The following GABRB1 variants were observed in gnomAD, a reference collection of about 807,000 sequenced individuals.
The protein encoded by GABRB1 is gamma-aminobutyric acid type A receptor subunit beta1, also known as gamma-aminobutyric acid receptor subunit beta-1.
A neutral mutation model predicts 51.6 loss-of-function variants in GABRB1; 17 were observed. The ratio of observed to expected loss-of-function variants is 0.33; its 90% CI spans 0.23 to 0.49. The LOEUF is 0.49. Among genes scored for constraint, GABRB1 ranks in the 20% least tolerant of loss-of-function variants. The pLI is 0.99. For synonymous variants in GABRB1, 247 were observed against 218.9 expected (o/e 1.13, Z -1.14); for missense variants, 410 against 600.6 (o/e 0.68, Z 3.32).
intron 3 of GABRB1, among the ~76,000 whole-genome samples, chr4:47,152,542 G>A (rs1455185469): frequency 1.3e-5 from 2 of 152,108 alleles, no homozygotes; most frequent in East Asian, 3.9e-4. Flanking sequence ...TCCATGGTGA[G>A]CTAATCCATT....
chr4:47,073,131 T>A (rs932968698), intron 3 of GABRB1, among the ~76,000 whole-genome samples: 1 of 152,168 alleles, frequency 6.6e-6, no homozygotes, highest in African/African-American at 2.4e-5. Context: ...TTCCACTGTC[T>A]AGGGTGCTTC....
At chr4:47,407,319 T>TG (rs2110055654) in intron 8 of GABRB1, among the ~76,000 whole-genome samples, 1 of 152,334 alleles carries the variant, frequency 6.6e-6, no homozygotes. Context: ...CATTCCCAGT[T>TG]TAGTCACCTA....
At chr4:47,283,368 T>C (rs1723369835) in intron 4 of GABRB1, among the ~76,000 whole-genome samples, 1 of 68,236 alleles carries the variant, frequency 1.5e-5, no homozygotes, top group Non-Finnish European at 2.8e-5. Flanking sequence ...TTTTTTTTTT[T>C]TTTTTTTTTT....
intron 5 of GABRB1, among the ~76,000 whole-genome samples, chr4:47,359,448 T>G (rs1336534301): frequency 6.6e-6 from 1 of 152,122 alleles, no homozygotes; most frequent in African/African-American, 2.4e-5. Context: ...TTAATCTAAA[T>G]GGCCCTTGAT....
At chr4:47,410,423 C>T (rs954494723) in intron 8 of GABRB1, among the ~76,000 whole-genome samples, 1 of 152,126 alleles carries the variant, frequency 6.6e-6, no homozygotes, top group East Asian at 1.9e-4. Flanking sequence ...AAGGAAGGAA[C>T]CACACTGTGT....
chr4:47,300,456 A>G (rs905995373), intron 4 of GABRB1, among the ~76,000 whole-genome samples: 19 of 152,094 alleles, frequency 1.2e-4, no homozygotes, highest in African/African-American at 4.6e-4. Flanking sequence ...ATTTAAACAC[A>G]AATTTATATT....
chr4:47,011,952 G>C (rs1365371262), intron 1 of GABRB1, among the ~76,000 whole-genome samples: 5 of 152,034 alleles, frequency 3.3e-5, no homozygotes, highest in Non-Finnish European at 2.9e-5. Context: ...ACTCCACACT[G>C]AGTGCTATTA....
intron 5 of GABRB1, among the ~76,000 whole-genome samples, chr4:47,332,641 T>A (rs905877897): frequency 9.2e-5 from 14 of 152,130 alleles, no homozygotes; most frequent in African/African-American, 3.1e-4. Context: ...AGGTGGGTCC[T>A]AGCACAAGAA....
At chr4:47,002,573 A>G (rs1296773727) in intron 1 of GABRB1, among the ~76,000 whole-genome samples, 2 of 152,290 alleles carry the variant, frequency 1.3e-5, no homozygotes, top group East Asian at 3.9e-4. Flanking sequence ...GCAGAAATGT[A>G]TGTGTTTTTT....
At chr4:47,039,368 A>C (rs1486266992) in intron 3 of GABRB1, among the ~76,000 whole-genome samples, 1 of 151,278 alleles carries the variant, frequency 6.6e-6, no homozygotes, top group Non-Finnish European at 1.5e-5. Flanking sequence ...ACAAAAAAAA[A>C]AAAAAAACCA....
intron 8 of GABRB1, among the ~76,000 whole-genome samples, chr4:47,408,094 A>G (rs1391707121): frequency 6.6e-6 from 1 of 152,196 alleles, no homozygotes; most frequent in Non-Finnish European, 1.5e-5. Context: ...CCTGTCTTAA[A>G]ATAATAATAA....
intron 1 of GABRB1, among the ~76,000 whole-genome samples, chr4:47,007,605 T>A (rs890516791): frequency 6.6e-6 from 1 of 152,130 alleles, no homozygotes; most frequent in Admixed American, 6.5e-5. Context: ...GTTGACCACA[T>A]GCTGGGTTTT....
intron 3 of GABRB1, among the ~76,000 whole-genome samples, chr4:47,145,922 A>G (rs1463425705): frequency 6.6e-6 from 1 of 152,036 alleles, no homozygotes; most frequent in Non-Finnish European, 1.5e-5. Flanking sequence ...AAAAAAATGC[A>G]TCAGCACAGC....
chr4:47,119,708 C>T (rs1715678196), intron 3 of GABRB1, among the ~76,000 whole-genome samples: 1 of 152,000 alleles, frequency 6.6e-6, no homozygotes, highest in African/African-American at 2.4e-5. Flanking sequence ...AAGGTTTCTC[C>T]ATGTTGGTCA....
intron 4 of GABRB1, among the ~76,000 whole-genome samples, chr4:47,171,127 A>G (rs942854649): frequency 6.6e-6 from 1 of 152,142 alleles, no homozygotes; most frequent in Non-Finnish European, 1.5e-5. Flanking sequence ...TTATTTGTGG[A>G]TGTATCATTG....
chr4:47,035,267 T>C (rs931916914), intron 3 of GABRB1, among the ~76,000 whole-genome samples: 10 of 152,156 alleles, frequency 6.6e-5, no homozygotes, highest in Admixed American at 1.3e-4. Flanking sequence ...AAGAGTATTA[T>C]CTGATTTCTT....
At chr4:47,088,234 G>A (rs574169750) in intron 3 of GABRB1, among the ~76,000 whole-genome samples, 1 of 152,296 alleles carries the variant, frequency 6.6e-6, no homozygotes, top group South Asian at 2.1e-4. Context: ...ACAGTGCTGG[G>A]TGCTGGGGAC....
chr4:47,280,225 T>G (rs557112301), intron 4 of GABRB1, among the ~76,000 whole-genome samples: 1 of 152,112 alleles, frequency 6.6e-6, no homozygotes, highest in Admixed American at 6.5e-5. Context: ...AATAGCAGGC[T>G]ATTTTAAGCT....
chr4:47,063,530 C>T (rs1726931568), intron 3 of GABRB1, among the ~76,000 whole-genome samples: 1 of 152,030 alleles, frequency 6.6e-6, no homozygotes, highest in South Asian at 2.1e-4. Context: ...ACAAACAAAA[C>T]GAGTCTCCAC....
Sources: allele counts gnomAD v4.1 joint callset (sites outside exome capture counted in the v4.1 genomes callset), GRCh38; gene constraint gnomAD v4.1.1; transcripts MANE v1.5; gene names NCBI Gene and HGNC (gene_info 2026-07-23, HGNC 2026-07-21).